Variants in MINPP1 observed in about 807,000 individuals in gnomAD.
MINPP1 encodes multiple inositol-polyphosphate phosphatase 1.
A neutral mutation model predicts 46.1 loss-of-function variants in MINPP1; 28 were observed. The ratio of observed to expected loss-of-function variants is 0.61; its 90% CI spans 0.45 to 0.83. The LOEUF (loss-of-function observed/expected upper bound fraction) is 0.83, where lower values mean the gene tolerates loss of function less well. Ranked by LOEUF, MINPP1 falls within the 40% of genes least tolerant of loss-of-function variation. The pLI is 0.00. For synonymous variants in MINPP1, 268 were observed against 249.1 expected (o/e 1.08, Z -0.72); for missense variants, 603 against 610.0 (o/e 0.99, Z 0.12).
At position 87,504,935 on chromosome 10, in the gene MINPP1, G is replaced by A. The variant is rs767229680; in HGVS notation, c.20G>A (p.Cys7Tyr). The stretch of plus-strand genomic sequence containing the variant: ...CCGACGATGCTACGCGCGCCCGGCT[G>A]CCTCCTCCGGACCTCCGTAGCGCCT... MLRAPGCLLRTSVAPAA... is the reference protein window; with the variant it reads MLRAPGYLLRTSVAPAA... The change falls in exon 1 of 5, where the codon TGC becomes TAC. Residue 7 changes from cysteine to tyrosine, a missense_variant. Physicochemically the swap from Cys to Tyr is radical, Grantham distance 194 (BLOSUM62 -2). Coordinates refer to ENST00000371996, the MANE Select transcript of MINPP1 (RefSeq NM_004897.5). 6 of 1,610,880 alleles carry A rather than the reference G, an allele frequency of 3.7e-6. No individual in the cohort carries two copies. The African/African-American group carries it at 4.0e-5, about 11-fold the overall frequency.
At chr10:87,510,970 A>G (rs1399932318) in intron 2 of MINPP1, among the ~76,000 whole-genome samples, 1 of 152,076 alleles carries the variant, frequency 6.6e-6, no homozygotes, top group Non-Finnish European at 1.5e-5. Flanking sequence ...AGTCATTTTA[A>G]TTTTCGCCAA....
At position 87,524,701 on chromosome 10, in the gene MINPP1, G is replaced by A. The variant is rs545963550; in HGVS notation, c.1067+3532G>A. ...GGCCATTGTAGGATTATTAATTGAC[G>A]TAATTTCAGTATTATATCTCAGGGA... On this transcript the variant is annotated intron_variant, in intron 4 of 4. Transcript: ENST00000371996. 7.2e-5 allele frequency among the ~76,000 whole-genome samples: 11 copies of A among 152,218 alleles called. No individual in the cohort carries two copies. In the East Asian group the frequency reaches 1.2e-3, roughly 16 times the overall value.
At chr10:87,538,751 G>A (rs1455809587) in intron 4 of MINPP1, among the ~76,000 whole-genome samples, 2 of 152,102 alleles carry the variant, frequency 1.3e-5, no homozygotes, top group Non-Finnish European at 2.9e-5. Context: ...CATAAATATG[G>A]GAATTATATG....
At chr10:87,515,822 A>ATTTTTTT (rs71019482) in intron 3 of MINPP1, among the ~76,000 whole-genome samples, 2 of 84,104 alleles carry the variant, frequency 2.4e-5, no homozygotes, top group Non-Finnish European at 4.7e-5. Context: ...TTTGTTAAGA[A>ATTTTTTT]TTTTTTTTTT....
rs1564669170 is a variant in MINPP1 at position 87,505,032 on chromosome 10, G to A, written c.117G>A (p.Val39=). 3 of 1,613,192 alleles carry A rather than the reference G, an allele frequency of 1.9e-6. No individual in the cohort carries two copies. The highest frequency in any genetic ancestry group is 2.5e-6 in the Non-Finnish European group (3 of 1,179,906). Residue 39 remains valine, a synonymous_variant, in exon 1 of 5, where the codon GTG becomes GTA. Transcript: ENST00000371996. This position sits in a 1 kb window ranked among gnomAD's most constrained non-coding sequence, Gnocchi z 4.4. ...RCSLLEPRDP[V]ASSLSPYFGT... is the part of the protein sequence containing the mutation. Reference sequence around the variant, plus strand: ...CTCTTCTAGAGCCGAGGGACCCGGTGGCCTCGTCGCTCAGCCCCTATTTCG... The same window carrying A: ...CTCTTCTAGAGCCGAGGGACCCGGTAGCCTCGTCGCTCAGCCCCTATTTCG...
chr10:87,524,901 G>A (rs112362580), intron 4 of MINPP1, among the ~76,000 whole-genome samples: 1,663 of 152,084 alleles, frequency 0.011, 12 homozygotes, highest in Non-Finnish European at 0.018. Flanking sequence ...CACCATAACA[G>A]ATATAATAAT....
intron 3 of MINPP1, among the ~76,000 whole-genome samples, chr10:87,520,493 A>T (rs1044726328): frequency 1.3e-5 from 2 of 152,002 alleles, no homozygotes; most frequent in Admixed American, 6.6e-5. Flanking sequence ...GTACACTTTT[A>T]TTATTATTTT....
chr10:87,537,421 A>G (rs1428159258), intron 4 of MINPP1, among the ~76,000 whole-genome samples: 1 of 151,546 alleles, frequency 6.6e-6, no homozygotes, highest in Admixed American at 6.6e-5. Flanking sequence ...GATACTGAGC[A>G]TCTTTTCATG....
At chr10:87,537,173 A>G (rs1317388478) in intron 4 of MINPP1, among the ~76,000 whole-genome samples, 1 of 152,018 alleles carries the variant, frequency 6.6e-6, no homozygotes, top group East Asian at 1.9e-4. Context: ...CTGACCTCAG[A>G]TAATCCACCC....
At chr10:87,506,603 C>A (rs1400678103) in intron 1 of MINPP1, among the ~76,000 whole-genome samples, 2 of 152,144 alleles carry the variant, frequency 1.3e-5, no homozygotes, top group Non-Finnish European at 2.9e-5. Flanking sequence ...GCTTTCTTAG[C>A]CATTATGCTA....
At chr10:87,508,157 G>T in intron 1 of MINPP1, 179 bp from the exon 2 acceptor site, 1 of 1,540,274 alleles carries the variant, frequency 6.5e-7, no homozygotes. Flanking sequence ...ATGCGTTACA[G>T]CCATTATAAA....
At chr10:87,545,204 A>T (rs1163467026) in intron 4 of MINPP1, among the ~76,000 whole-genome samples, 1 of 152,148 alleles carries the variant, frequency 6.6e-6, no homozygotes, top group Non-Finnish European at 1.5e-5. Flanking sequence ...TGTTGATAGC[A>T]TATTATATGA....
chr10:87,520,324 C>T (rs753708428), intron 3 of MINPP1, among the ~76,000 whole-genome samples: 1 of 152,026 alleles, frequency 6.6e-6, no homozygotes, highest in Admixed American at 6.6e-5. Context: ...CATTCTTGTA[C>T]ATTCTCCCTG....
In MINPP1 at chr10:87,512,664, T is replaced by C. The variant is rs573967416; in HGVS notation, c.836-460T>C. 4.6e-5 allele frequency among the ~76,000 whole-genome samples: 7 copies of C among 152,338 alleles called. No individual in the cohort carries two copies. In the South Asian group the frequency reaches 1.0e-3, roughly 23 times the overall value. ...ATTAACAAAATCATATTAAGTTTTA[T>C]ATAGCAAGTCCTTGGGTTATACTTT... On this transcript the variant is annotated intron_variant, in intron 2 of 4. Transcript: ENST00000371996.
Position 87,511,375 on chromosome 10 carries a change from G to A in MINPP1, c.836-1749G>A, listed in dbSNP as rs74150479. 1.4e-4 allele frequency among the ~76,000 whole-genome samples: 21 copies of A among 152,018 alleles called. No homozygotes were observed. The South Asian group carries it at 3.1e-3, about 23-fold the overall frequency. On this transcript the variant is annotated intron_variant, in intron 2 of 4. Coordinates refer to ENST00000371996, the MANE Select transcript of MINPP1 (RefSeq NM_004897.5). The stretch of plus-strand genomic sequence containing the variant: ...TATTTTGTCTAGGAATCCTCCCACC[G>A]CAAGATTATTATGTTTTCCTATTGT...
chr10:87,523,019 T>G (rs1851524855), intron 4 of MINPP1, among the ~76,000 whole-genome samples: 1 of 152,224 alleles, frequency 6.6e-6, no homozygotes, highest in African/African-American at 2.4e-5. Context: ...AAGCAACTCC[T>G]CAGGTGTTCA....
chr10:87,505,016 A>G lies in MINPP1; in HGVS notation c.101A>G (p.Glu34Gly), dbSNP rs1851217008. ...LSSLARCSLLEPRDPVASSLS... is the reference protein window; with the variant it reads ...LSSLARCSLLGPRDPVASSLS... ...TCGCTTGCGCGCTGCTCTCTTCTAGAGCCGAGGGACCCGGTGGCCTCGTCG... is the reference window on the plus strand; with the variant it reads ...TCGCTTGCGCGCTGCTCTCTTCTAGGGCCGAGGGACCCGGTGGCCTCGTCG... Residue 34 changes from glutamate (E) to glycine (G), a missense_variant, in exon 1 of 5, where the codon GAG becomes GGG. Around this residue, in one of 3 missense-constraint regions of MINPP1, gnomAD observed 239 missense variants for 189.4 expected, o/e 1.26. Coordinates refer to ENST00000371996, the MANE Select transcript of MINPP1 (RefSeq NM_004897.5). This position sits in a 1 kb window ranked among gnomAD's most constrained non-coding sequence, Gnocchi z 4.4. 1 of 1,612,816 alleles carries G rather than the reference A, an allele frequency of 6.2e-7. No individual in the cohort carries two copies. The highest frequency in any genetic ancestry group is 1.3e-5 in the African/African-American group (1 of 74,878).
chr10:87,524,261 C>CT (rs1198919903), intron 4 of MINPP1, among the ~76,000 whole-genome samples: 1 of 152,166 alleles, frequency 6.6e-6, no homozygotes, highest in Non-Finnish European at 1.5e-5. Context: ...ATGGAGATAG[C>CT]TTTTTTCCTT....
chr10:87,524,534 A>G (rs894442466), intron 4 of MINPP1, among the ~76,000 whole-genome samples: 2 of 152,192 alleles, frequency 1.3e-5, no homozygotes, highest in Non-Finnish European at 2.9e-5. Flanking sequence ...CTTTTCATTC[A>G]TAACTTGGCT....
Sources: allele counts gnomAD v4.1 joint callset (sites outside exome capture counted in the v4.1 genomes callset), GRCh38; gene constraint gnomAD v4.1.1; regional missense constraint gnomAD v4.1.1; non-coding constraint Gnocchi (gnomAD v3.1); transcripts MANE v1.5; gene names NCBI Gene and HGNC (gene_info 2026-07-23, HGNC 2026-07-21).